The following CTDP1 variants were observed in gnomAD, a reference collection of about 807,000 sequenced individuals.
CTDP1 encodes the protein CTD phosphatase 1.
Under a neutral mutation model 91.8 loss-of-function variants are expected in CTDP1, and 47 were observed. The ratio of observed to expected loss-of-function variants is 0.51; its 90% confidence interval spans 0.41 to 0.65. CTDP1 has a LOEUF of 0.65. Among genes scored for constraint, CTDP1 ranks in the 30% least tolerant of loss-of-function variants. The pLI is 0.00. For synonymous variants in CTDP1, 656 were observed against 598.5 expected, an observed-to-expected ratio of 1.10 and a Z score of -1.40; for missense variants, 1,272 against 1,373.7, an observed-to-expected ratio of 0.93 and a Z score of 1.17.
At chr18:79,701,682 A>T (rs1449239246) in intron 4 of CTDP1, among the ~76,000 whole-genome samples, 1 of 152,202 alleles carries the variant, frequency 6.6e-6, no homozygotes, top group Non-Finnish European at 1.5e-5. Context: ...TGACATTGCA[A>T]GTGCCACCAG....
chr18:79,695,400 G>A, intron 2 of CTDP1, 92 bp downstream of exon 2: 1 of 1,191,474 alleles, frequency 8.4e-7, no homozygotes, highest in Admixed American at 1.8e-5. Context: ...AACACAGTGA[G>A]GCCCTTGGTT....
At position 79,718,233 on chromosome 18, in the gene CTDP1, A is replaced by C. The variant is rs543179899; in HGVS notation, c.2417+217A>C. Among the ~76,000 whole-genome samples, 10 of 151,154 alleles carry C rather than the reference A, an allele frequency of 6.6e-5. No homozygotes were observed. The South Asian group carries it at 1.7e-3, about 25-fold the overall frequency. On this transcript the variant is annotated intron_variant, in intron 10 of 12. Transcript: ENST00000613122. ...TCTTGGGTCCCAAAACTAAAACAAA[A>C]CCCCGACCATCAGCTTCTCAGATGT...
intron 11 of CTDP1, among the ~76,000 whole-genome samples, chr18:79,733,987 T>G (rs1316942886): frequency 6.6e-6 from 1 of 152,254 alleles, no homozygotes; most frequent in Non-Finnish European, 1.5e-5. Flanking sequence ...TAGCATGTTT[T>G]AAGTGAAGTA....
intron 10 of CTDP1, among the ~76,000 whole-genome samples, chr18:79,726,241 C>T (rs911113123): frequency 1.1e-4 from 17 of 152,160 alleles, no homozygotes; most frequent in Non-Finnish European, 1.0e-4. Flanking sequence ...GGGTTCACAG[C>T]CTTCCTCTGT....
At chr18:79,726,895 A>AC in intron 10 of CTDP1, among the ~76,000 whole-genome samples, 2 of 77,732 alleles carry the variant, frequency 2.6e-5, no homozygotes, top group Non-Finnish European at 5.0e-5. Flanking sequence ...TTGCTGGTGG[A>AC]TGGCTGTCGG....
intron 10 of CTDP1, among the ~76,000 whole-genome samples, chr18:79,718,622 C>T (rs541886444): frequency 4.1e-4 from 63 of 152,224 alleles, no homozygotes; most frequent in South Asian, 2.1e-4. Context: ...TGTTTGCCCG[C>T]GTGGACCCGA....
intron 3 of CTDP1, among the ~76,000 whole-genome samples, chr18:79,696,772 T>C (rs1215182519): frequency 6.6e-6 from 1 of 152,192 alleles, no homozygotes; most frequent in African/African-American, 2.4e-5. Flanking sequence ...CGTTTATGTA[T>C]TTCAGGAGTT....
intron 8 of CTDP1, among the ~76,000 whole-genome samples, chr18:79,717,334 C>T (rs2086233894): frequency 6.6e-6 from 1 of 150,382 alleles, no homozygotes; most frequent in South Asian, 2.1e-4. Context: ...GGGTGAGGGC[C>T]CTGGTGGGGT....
At position 79,728,660 on chromosome 18, in the gene CTDP1, G is replaced by C. The variant is rs563073248; in HGVS notation, c.2418-247G>C. On this transcript the variant is annotated intron_variant, in intron 10 of 12. Transcript: ENST00000613122. ...CCCCACGGGGGTTTTGTGGATAAAA[G>C]AAGATGGGTGTTATTTTTCCACAGG... 6.3e-5 allele frequency among the ~76,000 whole-genome samples: 5 copies of C among 79,820 alleles called. No homozygotes were observed. The East Asian group carries it at 2.5e-3, about 41-fold the overall frequency. The allele number at this position is 79,820 out of a possible 152,430, so 52.4% of individuals were successfully genotyped here.
intron 11 of CTDP1, among the ~76,000 whole-genome samples, chr18:79,731,894 G>C (rs1208761898): frequency 6.6e-6 from 1 of 152,140 alleles, no homozygotes; most frequent in African/African-American, 2.4e-5. Context: ...CTAACATCAG[G>C]AGTGCTCCCA....
intron 4 of CTDP1, among the ~76,000 whole-genome samples, chr18:79,701,526 A>T (rs1310840612): frequency 3.7e-5 from 3 of 82,082 alleles, no homozygotes; most frequent in Admixed American, 1.4e-4. Flanking sequence ...AATAATAAAT[A>T]AATTAAATAA....
Position 79,719,893 on chromosome 18 carries a change from A to G in CTDP1, c.2417+1877A>G, listed in dbSNP as rs369551600. Among the ~76,000 whole-genome samples the G allele has an allele frequency of 1.1e-3, 146 of 138,168 alleles. 1 individual carries two copies. Among genetic ancestry groups the G allele is most frequent in the African/African-American group, 3.8e-3 (137 of 35,998 alleles). 90.6% of individuals were successfully genotyped at this position (138,168 alleles called of 152,430 possible). On this transcript the variant is annotated intron_variant, in intron 10 of 12. Coordinates refer to ENST00000613122, the MANE Select transcript of CTDP1 (RefSeq NM_004715.5). The stretch of plus-strand genomic sequence containing the variant: ...CTCCCATTAGGAAGGTGTCCTGGTG[A>G]TGATGTCACCTCCCATCGTGTCCTG...
intron 1 of CTDP1, among the ~76,000 whole-genome samples, chr18:79,682,120 C>T (rs763350103): frequency 4.6e-5 from 7 of 152,180 alleles, no homozygotes; most frequent in African/African-American, 9.7e-5. Context: ...TTGCATTAGC[C>T]AGCTGAATTC....
chr18:79,715,317 G>T lies in CTDP1; in HGVS notation c.1857G>T (p.Ala619=), dbSNP rs375108513. 1.2e-6 allele frequency: 2 copies of T among 1,609,330 alleles called. No homozygotes were observed. Among genetic ancestry groups the T allele is most frequent in the African/African-American group, 1.3e-5 (1 of 74,914 alleles). ...DRYLNKEIEE[A]PDIRKIVPEL... is the part of the protein sequence containing the mutation. ...ACCTCAACAAGGAGATCGAGGAGGCGCCGGACATCCGCAAGATCGTGCCGG... is the reference window on the plus strand; with the variant it reads ...ACCTCAACAAGGAGATCGAGGAGGCTCCGGACATCCGCAAGATCGTGCCGG... Residue 619 remains alanine (A), a synonymous_variant, in exon 8 of 13, where the codon GCG becomes GCT. Coordinates refer to ENST00000613122, the MANE Select transcript of CTDP1 (RefSeq NM_004715.5).
chr18:79,680,028 C>T lies in CTDP1; in HGVS notation c.81C>T (p.Pro27=). The change falls in exon 1 of 13, where the codon CCC becomes CCT. Residue 27 remains proline, a synonymous_variant. Coordinates refer to ENST00000613122, the MANE Select transcript of CTDP1 (RefSeq NM_004715.5). ...AAVAEVRCPG[P]APLRLLEWRV... ...TGGCCGAGGTGCGCTGCCCGGGGCC[C>T]GCGCCGCTGCGCCTGCTGGAGTGGA... 1 of 1,259,302 alleles carries T rather than the reference C, an allele frequency of 7.9e-7. No individual in the cohort carries two copies. The highest frequency in any genetic ancestry group is 2.8e-5 in the South Asian group (1 of 36,216). The allele number at this position is 1,259,302 out of a possible 1,614,324, so 78.0% of individuals were successfully genotyped here. A position where few individuals can be genotyped will look rare whatever the true frequency, so the allele number is the denominator to read the frequency against.
Position 79,736,512 on chromosome 18 carries a change from G to A in CTDP1, c.2738G>A (p.Arg913Gln), listed in dbSNP as rs1365031542. 34 of 1,543,170 alleles carry A rather than the reference G, an allele frequency of 2.2e-5. No homozygotes were observed. The highest frequency in any genetic ancestry group is 2.0e-5 in the Admixed American group (1 of 50,692). The change falls in exon 12 of 13, where the codon CGG becomes CAG. Residue 913 changes from arginine to glutamine, a missense_variant. Physicochemically the swap from Arg to Gln is conservative, Grantham distance 43. Around this residue, in one of 3 missense-constraint regions of CTDP1, gnomAD observed 881 missense variants for 911.6 expected, o/e 0.97. Coordinates refer to ENST00000613122, the MANE Select transcript of CTDP1 (RefSeq NM_004715.5). ...AGCGAGAGGAGCGCGGCAGGGGGCC[G>A]GGGGCCCAGGTGAGTGCGGGGTCTG... is the stretch of plus-strand genomic sequence containing the variant. ...ASSERSAAGG[R>Q]GPRGHKRKLN... is the part of the protein sequence containing the mutation.
rs190091489 is a variant in CTDP1, at chr18:79,688,004, T to C, written c.315-7221T>C. Among the ~76,000 whole-genome samples, 106 of 152,322 alleles carry C rather than the reference T, an allele frequency of 7.0e-4. 2 individuals are homozygous for C. The East Asian group carries it at 0.017, about 25-fold the overall frequency. On this transcript the variant is annotated intron_variant, in intron 1 of 12. Transcript: ENST00000613122. ...GCCACGGCTCTGTGGATGTGTGCAG[T>C]GTTGGGAATCAGGCTGGGCTGCCCT...
intron 12 of CTDP1, among the ~76,000 whole-genome samples, chr18:79,743,830 A>T (rs1038330081): frequency 3.3e-5 from 5 of 152,234 alleles, no homozygotes; most frequent in Admixed American, 3.3e-4. Flanking sequence ...AACAGATCAT[A>T]CAAGTGTGAA....
At chr18:79,729,731 T>G (rs1357364751) in intron 11 of CTDP1, among the ~76,000 whole-genome samples, 2 of 152,180 alleles carry the variant, frequency 1.3e-5, no homozygotes, top group African/African-American at 4.8e-5. Context: ...ATGTTAGGGA[T>G]GGGCGATCTG....
Sources: gnomAD v4.1 joint callset for allele counts (sites outside exome capture counted in the v4.1 genomes callset) on GRCh38, gnomAD v4.1.1 for gene constraint, gnomAD v4.1.1 regional missense constraint, MANE v1.5 for transcripts, NCBI Gene and HGNC (gene_info 2026-07-23, HGNC 2026-07-21) for gene names.